PLEK: variants seen among roughly 807,000 people sequenced by gnomAD.
PLEK encodes pleckstrin, also known as platelet 47 kDa protein.
In PLEK, 25 loss-of-function variants were observed where a neutral mutation model predicts 43.9. That is an observed-to-expected ratio of 0.57 (90% CI 0.41 to 0.79). The LOEUF (loss-of-function observed/expected upper bound fraction) is 0.79, where lower values mean the gene tolerates loss of function less well. Ranked by LOEUF, PLEK falls within the 30% of genes least tolerant of loss-of-function variation. The pLI, the probability that PLEK is intolerant of heterozygous loss-of-function variation, is 0.00. For missense variants in PLEK, 396 were observed against 413.3 expected (o/e 0.96, Z 0.36); for synonymous variants, 152 against 144.4 (o/e 1.05, Z -0.38).
chr2:68,376,112 A>G (rs918822976), intron 1 of PLEK, among the ~76,000 whole-genome samples: 1 of 152,166 alleles, frequency 6.6e-6, no homozygotes, highest in Non-Finnish European at 1.5e-5. Context: ...GGTGCATGCC[A>G]CCACTTATGA....
intron 1 of PLEK, among the ~76,000 whole-genome samples, chr2:68,370,430 T>A (rs1348309999): frequency 6.6e-6 from 1 of 152,246 alleles, no homozygotes; most frequent in African/African-American, 2.4e-5. Context: ...TGTGAGATTG[T>A]GAACTATTCG....
chr2:68,394,500 A>G (rs1028761864), intron 8 of PLEK, among the ~76,000 whole-genome samples: 5 of 151,926 alleles, frequency 3.3e-5, no homozygotes, highest in African/African-American at 9.7e-5. Context: ...GTGCTACTGC[A>G]CTCCAGCCTG....
In PLEK at chr2:68,395,903, C is replaced by A; in HGVS notation, c.*87C>A. On this transcript the variant is annotated 3_prime_UTR_variant, in exon 9 of 9. Transcript: ENST00000234313. ...CCTGTCCACTTCTGTGACAAATCAA[C>A]GGGAAACAGCCCAGGGGTGGGAAGT... The A allele has an allele frequency of 8.3e-7, 1 of 1,206,102 alleles. No homozygotes were observed. Among genetic ancestry groups the A allele is most frequent in the Non-Finnish European group, 1.2e-6 (1 of 828,142 alleles). The allele number at this position is 1,206,102 out of a possible 1,614,324, so 74.7% of individuals were successfully genotyped here.
chr2:68,370,982 T>C (rs1013118376), intron 1 of PLEK, among the ~76,000 whole-genome samples: 1 of 152,192 alleles, frequency 6.6e-6, no homozygotes. Flanking sequence ...ATGTAGAATA[T>C]ATTTCAAAGA....
chr2:68,382,712 G>A (rs1018727173), intron 4 of PLEK, 79 bp downstream of exon 4: 1 of 799,782 alleles, frequency 1.3e-6, no homozygotes, highest in Non-Finnish European at 2.2e-6. Context: ...CTGTGAGGTG[G>A]GGGTATGAAG....
At chr2:68,381,827 G>T (rs1017107258) in intron 3 of PLEK, among the ~76,000 whole-genome samples, 1 of 152,154 alleles carries the variant, frequency 6.6e-6, no homozygotes, top group Non-Finnish European at 1.5e-5. Context: ...CTCCAACGAG[G>T]CACCTAGTGC....
chr2:68,381,056 G>A, intron 3 of PLEK, 152 bp downstream of exon 3: 1 of 696,782 alleles, frequency 1.4e-6, no homozygotes, highest in Non-Finnish European at 2.4e-6. Context: ...TGTTTACCTG[G>A]GTCTGAAGGA....
chr2:68,366,828 CA>C (rs1339050295), intron 1 of PLEK, among the ~76,000 whole-genome samples: 10 of 152,124 alleles, frequency 6.6e-5, no homozygotes, highest in African/African-American at 2.2e-4. Context: ...CTGAGAAGAG[CA>C]AGTGAATAGG....
chr2:68,388,937 C>T (rs1673805827), intron 6 of PLEK, among the ~76,000 whole-genome samples: 1 of 152,038 alleles, frequency 6.6e-6, no homozygotes, highest in African/African-American at 2.4e-5. Context: ...AGAGTCATTC[C>T]AGTCTGTGCT....
chr2:68,395,623 G>A, intron 8 of PLEK, 57 bp from the exon 9 acceptor site: 2 of 1,597,958 alleles, frequency 1.3e-6, no homozygotes, highest in East Asian at 4.5e-5. Flanking sequence ...GAGGAGGGTG[G>A]AGCAAGTGGT....
chr2:68,383,328 C>T (rs563353572), intron 4 of PLEK, among the ~76,000 whole-genome samples: 1 of 152,296 alleles, frequency 6.6e-6, no homozygotes, highest in South Asian at 2.1e-4. Flanking sequence ...GGTCACATGT[C>T]TGTACAACCA....
chr2:68,380,884 G>A lies in PLEK; in HGVS notation c.360G>A (p.Leu120=), dbSNP rs1673600649. ...AATCTACCAGGAGGTCCATTCGACT[G>A]CCAGAAACCATTGACTTAGGGTGAT... ...ARKSTRRSIR[L]PETIDLGALY... is the part of the protein sequence containing the mutation. Residue 120 remains leucine, a synonymous_variant, in exon 3 of 9, where the codon CTG becomes CTA. Coordinates refer to ENST00000234313, the MANE Select transcript of PLEK (RefSeq NM_002664.3). 1 of 1,613,624 alleles carries A rather than the reference G, an allele frequency of 6.2e-7. No homozygotes were observed. Among genetic ancestry groups the A allele is most frequent in the South Asian group, 1.1e-5 (1 of 91,046 alleles).
intron 1 of PLEK, among the ~76,000 whole-genome samples, chr2:68,372,237 G>A (rs912426450): frequency 2.5e-4 from 38 of 150,812 alleles, no homozygotes; most frequent in Non-Finnish European, 4.7e-4. Flanking sequence ...GCAGTGGTGT[G>A]ATCTAGGCTC....
At chr2:68,388,609 A>T (rs1335604633) in intron 6 of PLEK, 118 bp downstream of exon 6, 1 of 602,456 alleles carries the variant, frequency 1.7e-6, no homozygotes, top group African/African-American at 1.8e-5. Context: ...AATGAAACCC[A>T]CAAAGTGAAA....
chr2:68,369,482 CTTT>C (rs367660375), intron 1 of PLEK, among the ~76,000 whole-genome samples: 2 of 135,112 alleles, frequency 1.5e-5, no homozygotes, highest in Non-Finnish European at 1.6e-5. Context: ...AAACCGTACT[CTTT>C]TTTTTTTTTT....
At chr2:68,391,011 C>A (rs1673847397) in intron 6 of PLEK, among the ~76,000 whole-genome samples, 1 of 152,224 alleles carries the variant, frequency 6.6e-6, no homozygotes, top group African/African-American at 2.4e-5. Context: ...CTTGTATCTG[C>A]TGCAGAGTTC....
intron 1 of PLEK, among the ~76,000 whole-genome samples, chr2:68,374,620 A>G (rs1222434865): frequency 6.6e-6 from 1 of 152,200 alleles, no homozygotes; most frequent in Non-Finnish European, 1.5e-5. Flanking sequence ...ACACAGATAA[A>G]GACAGAGACA....
rs764283036 is a variant in PLEK at position 68,386,666 on chromosome 2, C to G, written c.637C>G (p.Pro213Ala). The change falls in exon 5 of 9, where the codon CCT becomes GCT. Residue 213 changes from proline to alanine, a missense_variant. Pro to Ala is a conservative substitution (Grantham distance 27, BLOSUM62 -1). Transcript: ENST00000234313. ...GTAENPFLDN[P>A]DAFYYFPDSG... Reference sequence around the variant, plus strand: ...TGCTGAAAACCCTTTCCTGGACAACCCTGATGCCTTCTACTACTTTGTAAG... The same window carrying G: ...TGCTGAAAACCCTTTCCTGGACAACGCTGATGCCTTCTACTACTTTGTAAG... 2 of 1,613,092 alleles carry G rather than the reference C, an allele frequency of 1.2e-6. No homozygotes were observed. The highest frequency in any genetic ancestry group is 2.7e-5 in the African/African-American group (2 of 74,880).
chr2:68,386,639 A>G lies in PLEK; in HGVS notation c.610A>G (p.Thr204Ala). 6.2e-7 allele frequency: 1 copy of G among 1,613,922 alleles called. No individual in the cohort carries two copies. The highest frequency in any genetic ancestry group is 8.5e-7 in the Non-Finnish European group (1 of 1,179,834). Residue 204 changes from threonine to alanine, a missense_variant, in exon 5 of 9, where the codon ACT becomes GCT. Coordinates refer to ENST00000234313, the MANE Select transcript of PLEK (RefSeq NM_002664.3). Reference sequence around the variant, plus strand: ...CATGTCCAAGAGTGCAGTGGATGGAACTGCTGAAAACCCTTTCCTGGACAA... The same window carrying G: ...CATGTCCAAGAGTGCAGTGGATGGAGCTGCTGAAAACCCTTTCCTGGACAA... The part of the protein sequence containing the change: ...GDMSKSAVDG[T>A]AENPFLDNPD...
Sources: gnomAD v4.1 joint callset for allele counts (sites outside exome capture counted in the v4.1 genomes callset) on GRCh38, gnomAD v4.1.1 for gene constraint, MANE v1.5 for transcripts, NCBI Gene and HGNC (gene_info 2026-07-23, HGNC 2026-07-21) for gene names.